The following RGS7 variants were observed in gnomAD, a reference collection of about 807,000 sequenced individuals.
The protein encoded by RGS7 is regulator of G-protein signaling 7.
Under a neutral mutation model 81.1 loss-of-function variants are expected in RGS7, and 27 were observed. The observed-to-expected ratio is 0.33, with a 90% CI of 0.25 to 0.46. The LOEUF is 0.46. Among genes scored for constraint, RGS7 ranks in the 20% least tolerant of loss-of-function variants. RGS7 has a pLI of 1.00. For missense variants in RGS7, 396 were observed against 607.4 expected, an observed-to-expected ratio of 0.65 and a Z score of 3.66; for synonymous variants, 208 against 207.7, an observed-to-expected ratio of 1.00 and a Z score of -0.01.
Position 241,051,013 on chromosome 1 carries a change from C to G in RGS7, c.175+47653G>C, listed in dbSNP as rs538648127. On this transcript the variant is annotated intron_variant, in intron 3 of 18. Coordinates refer to ENST00000440928, the MANE Select transcript of RGS7 (RefSeq NM_001364886.1). ...TGGCACTTCTAACCCCCACATTGTT[C>G]AAAGGTCAACTGTAAAATCCTAGGT... Among the ~76,000 whole-genome samples, 5 of 152,158 alleles carry G rather than the reference C, an allele frequency of 3.3e-5. No homozygotes were observed. In the East Asian group the frequency reaches 9.7e-4, roughly 29 times the overall value.
At chr1:241,160,450 A>G (rs1234358175) in intron 2 of RGS7, among the ~76,000 whole-genome samples, 2 of 151,786 alleles carry the variant, frequency 1.3e-5, no homozygotes, top group African/African-American at 4.8e-5. Context: ...AGCAATCAAG[A>G]AACTGGACTC....
intron 2 of RGS7, among the ~76,000 whole-genome samples, chr1:241,154,604 T>C (rs1053405781): frequency 6.6e-6 from 1 of 152,222 alleles, no homozygotes; most frequent in Non-Finnish European, 1.5e-5. Flanking sequence ...TCTCCCCGAA[T>C]GTCGGGAAAA....
intron 2 of RGS7, among the ~76,000 whole-genome samples, chr1:241,342,884 G>A (rs944787775): frequency 2.0e-4 from 31 of 152,192 alleles, no homozygotes; most frequent in African/African-American, 7.2e-4. Flanking sequence ...TGAGCATGTG[G>A]AGAAATTGGA....
At chr1:241,119,068 AAT>A (rs2066064074) in intron 2 of RGS7, among the ~76,000 whole-genome samples, 1 of 152,186 alleles carries the variant, frequency 6.6e-6, no homozygotes, top group Non-Finnish European at 1.5e-5. Context: ...AACAATTAAA[AAT>A]TAAAAATTTA....
intron 2 of RGS7, among the ~76,000 whole-genome samples, chr1:241,176,986 G>A (rs56156343): frequency 0.22 from 33,458 of 152,052 alleles, 4,062 homozygotes; most frequent in African/African-American, 0.32. Flanking sequence ...CTAAGGCCAC[G>A]CATGGAGCAA....
At chr1:240,890,341 T>C (rs968553052) in intron 6 of RGS7, among the ~76,000 whole-genome samples, 1 of 152,064 alleles carries the variant, frequency 6.6e-6, no homozygotes, top group Non-Finnish European at 1.5e-5. Context: ...TTAGTAGAGA[T>C]GGGGTTTCAC....
At chr1:241,298,925 A>T (rs1392219184) in intron 2 of RGS7, among the ~76,000 whole-genome samples, 1 of 152,202 alleles carries the variant, frequency 6.6e-6, no homozygotes, top group Non-Finnish European at 1.5e-5. Flanking sequence ...GAGAAAAAAA[A>T]TACAAAAACA....
intron 2 of RGS7, among the ~76,000 whole-genome samples, chr1:241,277,815 G>A (rs1032413989): frequency 2.6e-5 from 4 of 152,154 alleles, no homozygotes; most frequent in Non-Finnish European, 4.4e-5. Context: ...TCTAGTAGCT[G>A]AGGCAAAACC....
In RGS7 at chr1:240,860,658, T is replaced by C. The variant is rs567330036; in HGVS notation, c.609+7929A>G. Among the ~76,000 whole-genome samples the C allele has an allele frequency of 2.6e-5, 4 of 152,232 alleles. No individual in the cohort carries two copies. The South Asian group carries it at 8.3e-4, about 32-fold the overall frequency. ...GAAGAAAAATAGATACGTAGGGACA[T>C]TTATGGGACTACAGGCAAGATAGAA... On this transcript the variant is annotated intron_variant, in intron 9 of 18. Coordinates refer to ENST00000440928, the MANE Select transcript of RGS7 (RefSeq NM_001364886.1).
intron 2 of RGS7, among the ~76,000 whole-genome samples, chr1:241,160,115 AAAAAAAAAAAAAAAAG>A (rs1240432405): frequency 1.3e-4 from 20 of 149,380 alleles, no homozygotes; most frequent in African/African-American, 4.7e-4. Context: ...CATCTCAAAA[AAAAAAAAAAAAAAAAG>A]AAAAAGAAAA....
At chr1:240,876,212 T>C (rs1257843652) in intron 6 of RGS7, among the ~76,000 whole-genome samples, 1 of 152,174 alleles carries the variant, frequency 6.6e-6, no homozygotes, top group Non-Finnish European at 1.5e-5. Flanking sequence ...GCCTATTGTG[T>C]TCCCAGGGGT....
At chr1:241,243,482 G>C (rs2076361667) in intron 2 of RGS7, among the ~76,000 whole-genome samples, 1 of 152,150 alleles carries the variant, frequency 6.6e-6, no homozygotes, top group East Asian at 1.9e-4. Context: ...TGACTATGGG[G>C]GAGAGAAATG....
chr1:241,327,487 T>C (rs1265959178), intron 2 of RGS7, among the ~76,000 whole-genome samples: 2 of 152,182 alleles, frequency 1.3e-5, no homozygotes, highest in Non-Finnish European at 2.9e-5. Flanking sequence ...TTTTCATAAT[T>C]CAACCAAGTA....
At chr1:240,907,873 A>G (rs1671083518) in intron 6 of RGS7, among the ~76,000 whole-genome samples, 1 of 152,134 alleles carries the variant, frequency 6.6e-6, no homozygotes, top group Non-Finnish European at 1.5e-5. Context: ...GAGAGAATGG[A>G]ATTTTCATGA....
intron 9 of RGS7, among the ~76,000 whole-genome samples, chr1:240,860,222 G>A (rs747440708): frequency 6.6e-6 from 1 of 152,052 alleles, no homozygotes; most frequent in Non-Finnish European, 1.5e-5. Context: ...GTTGATTGAC[G>A]GTGAACTTCA....
intron 4 of RGS7, among the ~76,000 whole-genome samples, chr1:240,973,246 G>T (rs1017768848): frequency 6.6e-6 from 1 of 152,122 alleles, no homozygotes; most frequent in African/African-American, 2.4e-5. Flanking sequence ...AAGGCTGGGG[G>T]CCATGGCTCA....
At chr1:240,799,592 C>T (rs1208510289) in intron 18 of RGS7, among the ~76,000 whole-genome samples, 1 of 151,984 alleles carries the variant, frequency 6.6e-6, no homozygotes, top group African/African-American at 2.4e-5. Context: ...TTTGGCTTCC[C>T]TAGGCCACAT....
chr1:241,323,705 G>A (rs904338530), intron 2 of RGS7, among the ~76,000 whole-genome samples: 1 of 152,182 alleles, frequency 6.6e-6, no homozygotes, highest in Non-Finnish European at 1.5e-5. Context: ...GAACAGACGC[G>A]AGAGCTGTCC....
chr1:241,000,042 T>G (rs1387719600), intron 3 of RGS7, among the ~76,000 whole-genome samples: 1 of 152,126 alleles, frequency 6.6e-6, no homozygotes, highest in African/African-American at 2.4e-5. Flanking sequence ...GGGTAGAAAT[T>G]TGACACTGCA....
Sources: allele counts gnomAD v4.1 joint callset (sites outside exome capture counted in the v4.1 genomes callset), GRCh38; gene constraint gnomAD v4.1.1; transcripts MANE v1.5; gene names NCBI Gene and HGNC (gene_info 2026-07-23, HGNC 2026-07-21).